Variants in CFAP61 observed in about 807,000 individuals in gnomAD.
CFAP61 encodes cilia- and flagella-associated protein 61.
Under a neutral mutation model 135.6 loss-of-function variants are expected in CFAP61, and 107 were observed. That is an observed-to-expected ratio of 0.79 (90% CI 0.67 to 0.93). The LOEUF (loss-of-function observed/expected upper bound fraction) is 0.93, where lower values mean the gene tolerates loss of function less well. CFAP61 is among the 40% of genes least tolerant of loss of function. The pLI, the probability that CFAP61 is intolerant of heterozygous loss-of-function variation, is 0.00. For synonymous variants in CFAP61, 575 were observed against 578.5 expected (o/e 0.99, Z 0.09); for missense variants, 1,507 against 1,556.2 (o/e 0.97, Z 0.53).
intron 14 of CFAP61, among the ~76,000 whole-genome samples, chr20:20,189,675 T>C (rs2055777557): frequency 6.6e-6 from 1 of 152,214 alleles, no homozygotes; most frequent in Non-Finnish European, 1.5e-5. Context: ...GCGATGCCAC[T>C]AGCCGCTAAA....
chr20:20,071,737 T>C (rs2045720012), intron 3 of CFAP61, among the ~76,000 whole-genome samples: 4 of 152,166 alleles, frequency 2.6e-5, no homozygotes, highest in African/African-American at 9.7e-5. Context: ...CCCGTACATG[T>C]GTGTGAATGT....
In CFAP61 at chr20:20,277,424, C is replaced by G. The variant is rs368323874; in HGVS notation, c.2762C>G (p.Thr921Ser). Residue 921 changes from threonine (T) to serine (S), a missense_variant, in exon 22 of 27, where the codon ACC becomes AGC. Transcript: ENST00000245957. ...HPDPIYSASF[T>S]TPTKPFRLQC... ...GACCCCATCTACAGCGCCTCCTTCA[C>G]CACACCCACCAAGCCTTTCAGACTC... 7 of 1,613,170 alleles carry G rather than the reference C, an allele frequency of 4.3e-6. No individual in the cohort carries two copies. In the African/African-American group the frequency reaches 6.7e-5, roughly 15 times the overall value.
chr20:20,343,858 A>G (rs2058539237), intron 26 of CFAP61, among the ~76,000 whole-genome samples: 1 of 152,232 alleles, frequency 6.6e-6, no homozygotes, highest in African/African-American at 2.4e-5. Context: ...CACGTTTCAT[A>G]CAACTCACTG....
chr20:20,243,161 A>G (rs2050145130), intron 18 of CFAP61, among the ~76,000 whole-genome samples: 1 of 152,210 alleles, frequency 6.6e-6, no homozygotes. Context: ...GCAGGCAAAG[A>G]GAGAGCTCGT....
intron 1 of CFAP61, 55 bp downstream of exon 1, chr20:20,052,646 C>G (rs2043818506): frequency 1.9e-6 from 3 of 1,613,438 alleles, no homozygotes; most frequent in Non-Finnish European, 2.5e-6. Flanking sequence ...GCAGGGCGTC[C>G]AGGGCGCATC....
At chr20:20,282,268 T>C (rs2054254002) in intron 22 of CFAP61, among the ~76,000 whole-genome samples, 1 of 152,110 alleles carries the variant, frequency 6.6e-6, no homozygotes, top group African/African-American at 2.4e-5. Flanking sequence ...AGCTTTTGAG[T>C]TTGTTAATTT....
Position 20,360,303 on chromosome 20 carries a change from G to C in CFAP61, c.3607G>C (p.Val1203Leu), listed in dbSNP as rs1304672182. Residue 1203 changes from valine (V) to leucine (L), a missense_variant, in exon 27 of 27, where the codon GTT becomes CTT. By Grantham distance (32) the Val-to-Leu change is conservative. Transcript: ENST00000245957. ...GAAGCCCAGGCAATACCTCAAAAGA[G>C]TTTTTGAGGAATCCATCTACAAAAC... Reference protein sequence around the residue: ...TEKPRQYLKRVFEESIYKTLV... With the variant: ...TEKPRQYLKRLFEESIYKTLV... 6.2e-7 allele frequency: 1 copy of C among 1,613,464 alleles called. No individual in the cohort carries two copies. Among genetic ancestry groups the C allele is most frequent in the Non-Finnish European group, 8.5e-7 (1 of 1,179,598 alleles).
At chr20:20,303,533 G>A (rs952401200) in intron 25 of CFAP61, among the ~76,000 whole-genome samples, 3 of 152,018 alleles carry the variant, frequency 2.0e-5, no homozygotes, top group African/African-American at 4.8e-5. Flanking sequence ...ATGCAGCTGC[G>A]ACCACATTCT....
chr20:20,055,535 G>A (rs2044247988), intron 1 of CFAP61, among the ~76,000 whole-genome samples: 2 of 152,050 alleles, frequency 1.3e-5, no homozygotes, highest in Admixed American at 6.5e-5. Flanking sequence ...GTGTCAGATC[G>A]GCTCACATCA....
At chr20:20,165,195 A>C (rs973247325) in intron 11 of CFAP61, among the ~76,000 whole-genome samples, 3 of 152,166 alleles carry the variant, frequency 2.0e-5, no homozygotes, top group Non-Finnish European at 4.4e-5. Context: ...TCTGCATCAG[A>C]ATCCAGTGAG....
At chr20:20,181,242 G>A (rs1441248170) in intron 13 of CFAP61, among the ~76,000 whole-genome samples, 1 of 143,208 alleles carries the variant, frequency 7.0e-6, no homozygotes, top group African/African-American at 2.6e-5. Flanking sequence ...ACTTTTATGT[G>A]TATATATATA....
At chr20:20,053,294 A>G (rs565234439) in intron 1 of CFAP61, among the ~76,000 whole-genome samples, 6 of 152,378 alleles carry the variant, frequency 3.9e-5, no homozygotes, top group African/African-American at 1.4e-4. Context: ...AGTGGAAGAC[A>G]CAGAGATTTC....
intron 8 of CFAP61, among the ~76,000 whole-genome samples, chr20:20,118,853 AT>A (rs199646093): frequency 1.2e-3 from 177 of 144,324 alleles, no homozygotes; most frequent in South Asian, 1.8e-3. Flanking sequence ...TTGGGGAATA[AT>A]TTTTTTTTTT....
intron 20 of CFAP61, among the ~76,000 whole-genome samples, chr20:20,262,250 C>T (rs2052302772): frequency 6.6e-6 from 1 of 152,104 alleles, no homozygotes; most frequent in Non-Finnish European, 1.5e-5. Flanking sequence ...CTCCATGAAT[C>T]GAATATGGTG....
chr20:20,142,664 A>G (rs2249280), intron 8 of CFAP61, among the ~76,000 whole-genome samples, 193 bp from the exon 9 acceptor site: 137,210 of 152,142 alleles, frequency 0.9, 62,684 homozygotes, highest in Middle Eastern at 0.99. Flanking sequence ...ACTAGCCCAG[A>G]ATCCCTCCTC....
intron 12 of CFAP61, among the ~76,000 whole-genome samples, chr20:20,168,831 T>C (rs1238512269): frequency 2.0e-5 from 3 of 152,158 alleles, no homozygotes; most frequent in African/African-American, 7.2e-5. Flanking sequence ...GATCACGTCA[T>C]GATAAAATAC....
chr20:20,098,056 A>G (rs2047713916), intron 7 of CFAP61, among the ~76,000 whole-genome samples: 1 of 152,164 alleles, frequency 6.6e-6, no homozygotes, highest in Admixed American at 6.5e-5. Context: ...TGGAGCAGGC[A>G]GGAGCATGGT....
At chr20:20,125,148 TA>T (rs2049969606) in intron 8 of CFAP61, among the ~76,000 whole-genome samples, 1 of 151,866 alleles carries the variant, frequency 6.6e-6, no homozygotes, top group Non-Finnish European at 1.5e-5. Flanking sequence ...CTGTCAATTT[TA>T]TTTATCTTTT....
intron 18 of CFAP61, among the ~76,000 whole-genome samples, chr20:20,244,730 TCTC>T (rs1203603198): frequency 3.3e-4 from 51 of 152,326 alleles, no homozygotes; most frequent in African/African-American, 1.2e-3. Context: ...GGCTTGAACT[TCTC>T]CTCAGAAAAT....
Sources: gnomAD v4.1 joint callset for allele counts (sites outside exome capture counted in the v4.1 genomes callset) on GRCh38, gnomAD v4.1.1 for gene constraint, MANE v1.5 for transcripts, NCBI Gene and HGNC (gene_info 2026-07-23, HGNC 2026-07-21) for gene names.